The following KCNQ1OT1 variants were observed in gnomAD, a reference collection of about 807,000 sequenced individuals.
The protein encoded by KCNQ1OT1 is KCNQ1 antisense RNA 2 (non-protein coding).
At chr11:2,637,279 A>G (rs1849487132) in exon 1 of KCNQ1OT1, 2 of 152,078 alleles carry the variant, frequency 1.3e-5, no homozygotes, top group African/African-American at 2.4e-5. Flanking sequence ...ATGTTAGGGC[A>G]TCAATTTTAG....
At chr11:2,631,170 T>A (rs1849346469) in exon 1 of KCNQ1OT1, 2 of 398,578 alleles carry the variant, frequency 5.0e-6, no homozygotes, top group South Asian at 1.3e-4. Flanking sequence ...TTCTCTGAAT[T>A]AACTTTCTAC....
At chr11:2,684,162 T>C (rs942804074) in exon 1 of KCNQ1OT1, 2 of 398,460 alleles carry the variant, frequency 5.0e-6, no homozygotes, top group African/African-American at 4.1e-5. Context: ...CCAGAGGACT[T>C]AGGAAGAGAA....
chr11:2,654,585 G>A lies in KCNQ1OT1; in HGVS notation n.45410C>T. 1 of 398,738 alleles carries A rather than the reference G, an allele frequency of 2.5e-6. No individual in the cohort carries two copies. Among genetic ancestry groups the A allele is most frequent in the Non-Finnish European group, 4.4e-6 (1 of 226,204 alleles). The allele number at this position is 398,738 out of a possible 1,614,324, so 24.7% of individuals were successfully genotyped here. ...GATTTTAATCAATCAGGAGGGGAAG[G>A]GCAGGGGGTGAGTGGTTGGGTGAAG... is the stretch of plus-strand genomic sequence containing the variant. On this transcript the variant is annotated non_coding_transcript_exon_variant, in exon 1 of 1. Transcript: ENST00000597346. This position sits in a 1 kb window ranked among gnomAD's most constrained non-coding sequence, Gnocchi z 6.4.
rs1849778313 is a variant in KCNQ1OT1, at chr11:2,652,832, G to A, written n.47163C>T. ...GCAGAGACATTTCCGTTCACTCTGA[G>A]ATTTGTGTATGCTGAGGCTTGCTAT... On this transcript the variant is annotated non_coding_transcript_exon_variant, in exon 1 of 1. Coordinates refer to ENST00000597346, the Ensembl canonical transcript of KCNQ1OT1. The surrounding 1 kb of genome is among the most constrained non-coding windows in gnomAD (Gnocchi z 5.9). 1 of 398,880 alleles carries A rather than the reference G, an allele frequency of 2.5e-6. No individual in the cohort carries two copies. The highest frequency in any genetic ancestry group is 3.6e-5 in the East Asian group (1 of 28,086). 24.7% of individuals were successfully genotyped at this position (398,880 alleles called of 1,614,324 possible). A position where few individuals can be genotyped will look rare whatever the true frequency, so the allele number is the denominator to read the frequency against.
chr11:2,608,527 A>G lies in KCNQ1OT1; in HGVS notation n.91468T>C. 2.5e-6 allele frequency: 1 copy of G among 398,464 alleles called. No homozygotes were observed. Among genetic ancestry groups the G allele is most frequent in the Non-Finnish European group, 4.4e-6 (1 of 226,038 alleles). The allele number at this position is 398,464 out of a possible 1,614,324, so 24.7% of individuals were successfully genotyped here. On this transcript the variant is annotated non_coding_transcript_exon_variant, in exon 1 of 1. Coordinates refer to ENST00000597346, the Ensembl canonical transcript of KCNQ1OT1. The surrounding 1 kb of genome is among the most constrained non-coding windows in gnomAD (Gnocchi z 4.6). Reference sequence around the variant, plus strand: ...GTCTCTCTCTGTTGCCCAGGCTGGAATAGAGTGGTGTAATCATAGCTCACT... The same window carrying G: ...GTCTCTCTCTGTTGCCCAGGCTGGAGTAGAGTGGTGTAATCATAGCTCACT...
At chr11:2,643,105 C>T in exon 1 of KCNQ1OT1, 1 of 397,934 alleles carries the variant, frequency 2.5e-6, no homozygotes, top group Non-Finnish European at 4.4e-6. Flanking sequence ...GAGAGTGTTC[C>T]ATGTACTGAT....
exon 1 of KCNQ1OT1, chr11:2,630,560 A>G (rs1475561957): frequency 2.5e-6 from 1 of 398,232 alleles, no homozygotes. Flanking sequence ...TATGAAAACA[A>G]TAGTAATTTT....
exon 1 of KCNQ1OT1, chr11:2,641,826 T>C (rs1364429765): frequency 3.0e-5 from 12 of 398,332 alleles, no homozygotes; most frequent in Non-Finnish European, 4.9e-5. Flanking sequence ...TAGCAAGAGA[T>C]AGAAACGGTT....
chr11:2,662,430 C>T, exon 1 of KCNQ1OT1: 1 of 505,050 alleles, frequency 2.0e-6, no homozygotes, highest in Non-Finnish European at 3.5e-6. Flanking sequence ...TAGCATTTCC[C>T]CATGGAACCC....
In KCNQ1OT1 at chr11:2,624,680, C is replaced by T. The variant is rs1849234527; in HGVS notation, n.75315G>A. ...CTGTGCAATCATCACTATCATCCAT[C>T]TCCATAACACTTGTCATTTGTAATT... On this transcript the variant is annotated non_coding_transcript_exon_variant, in exon 1 of 1. Coordinates refer to ENST00000597346, the Ensembl canonical transcript of KCNQ1OT1. The surrounding 1 kb of genome is among the most constrained non-coding windows in gnomAD (Gnocchi z 4.9). The T allele has an allele frequency of 5.0e-6, 2 of 398,430 alleles. No homozygotes were observed. Among genetic ancestry groups the T allele is most frequent in the Non-Finnish European group, 8.8e-6 (2 of 226,034 alleles). 24.7% of individuals were successfully genotyped at this position (398,430 alleles called of 1,614,324 possible).
rs1850020758 is a variant in KCNQ1OT1 at position 2,664,166 on chromosome 11, T to G, written n.35829A>C. 1 of 398,412 alleles carries G rather than the reference T, an allele frequency of 2.5e-6. No individual in the cohort carries two copies. The highest frequency in any genetic ancestry group is 2.1e-5 in the African/African-American group (1 of 48,540). 24.7% of individuals were successfully genotyped at this position (398,412 alleles called of 1,614,324 possible). ...CTCTCAGAGCAGGCTGTTCCAAAAG[T>G]GGCTGCTAGATATGAGCCAGCCTGG... is the stretch of plus-strand genomic sequence containing the variant. On this transcript the variant is annotated non_coding_transcript_exon_variant, in exon 1 of 1. Transcript: ENST00000597346. This position sits in a 1 kb window ranked among gnomAD's most constrained non-coding sequence, Gnocchi z 5.1.
In KCNQ1OT1 at chr11:2,682,102, G is replaced by A. The variant is rs1051714966; in HGVS notation, n.17893C>T. The A allele has an allele frequency of 5.0e-6, 2 of 398,394 alleles. No homozygotes were observed. The highest frequency in any genetic ancestry group is 8.8e-6 in the Non-Finnish European group (2 of 226,066). 24.7% of individuals were successfully genotyped at this position (398,394 alleles called of 1,614,324 possible). On this transcript the variant is annotated non_coding_transcript_exon_variant, in exon 1 of 1. Coordinates refer to ENST00000597346, the Ensembl canonical transcript of KCNQ1OT1. This position sits in a 1 kb window ranked among gnomAD's most constrained non-coding sequence, Gnocchi z 5.8. ...CTAGGGCCCAGGGTCACAAAGCTAG[G>A]GAGCCGTGGATCTGCAGGAGATGTC...
exon 1 of KCNQ1OT1, chr11:2,618,077 G>A (rs1056542988): frequency 2.0e-5 from 8 of 398,268 alleles, no homozygotes; most frequent in African/African-American, 1.6e-4. Flanking sequence ...CTGAGCTTTT[G>A]GTGTGATCTC....
chr11:2,670,238 C>A lies in KCNQ1OT1; in HGVS notation n.29757G>T. The A allele has an allele frequency of 2.5e-6, 1 of 398,584 alleles. No individual in the cohort carries two copies. The allele number at this position is 398,584 out of a possible 1,614,324, so 24.7% of individuals were successfully genotyped here. On this transcript the variant is annotated non_coding_transcript_exon_variant, in exon 1 of 1. Coordinates refer to ENST00000597346, the Ensembl canonical transcript of KCNQ1OT1. This position sits in a 1 kb window ranked among gnomAD's most constrained non-coding sequence, Gnocchi z 4.9. ...TGTAGCTCACCTGCCTTTGACCCTGCACATGACGGGCGAGGGAAGAGGACC... is the reference window on the plus strand; with the variant it reads ...TGTAGCTCACCTGCCTTTGACCCTGAACATGACGGGCGAGGGAAGAGGACC...
exon 1 of KCNQ1OT1, chr11:2,680,206 TAA>T (rs139249507): frequency 0.31 from 108,976 of 350,886 alleles, 9,369 homozygotes; most frequent in East Asian, 0.54. Context: ...CTTGCCTAAT[TAA>T]AAAAAAAAAA....
At position 2,678,832 on chromosome 11, in the gene KCNQ1OT1, G is replaced by A. The variant is rs924404864; in HGVS notation, n.21163C>T. The A allele has an allele frequency of 2.5e-5, 10 of 398,496 alleles. No individual in the cohort carries two copies. Among genetic ancestry groups the A allele is most frequent in the African/African-American group, 1.9e-4 (9 of 48,618 alleles). The allele number at this position is 398,496 out of a possible 1,614,324, so 24.7% of individuals were successfully genotyped here. On this transcript the variant is annotated non_coding_transcript_exon_variant, in exon 1 of 1. Coordinates refer to ENST00000597346, the Ensembl canonical transcript of KCNQ1OT1. This position sits in a 1 kb window ranked among gnomAD's most constrained non-coding sequence, Gnocchi z 4.9. ...TTGTTTCTTCCAAGGCTCACTTCAAGGAAGGCAGAATCCAGGTCGGGGGTG... is the reference window on the plus strand; with the variant it reads ...TTGTTTCTTCCAAGGCTCACTTCAAAGAAGGCAGAATCCAGGTCGGGGGTG...
exon 1 of KCNQ1OT1, chr11:2,672,824 C>G (rs767975645): frequency 5.0e-6 from 2 of 398,832 alleles, no homozygotes; most frequent in Non-Finnish European, 8.8e-6. Flanking sequence ...CAAGTGACCC[C>G]AACTCTGGGT....
rs1194808310 is a variant in KCNQ1OT1, at chr11:2,627,306, G to A, written n.72689C>T. On this transcript the variant is annotated non_coding_transcript_exon_variant, in exon 1 of 1. Coordinates refer to ENST00000597346, the Ensembl canonical transcript of KCNQ1OT1. The surrounding 1 kb of genome is among the most constrained non-coding windows in gnomAD (Gnocchi z 4.9). The stretch of plus-strand genomic sequence containing the variant: ...TATACCTTACATAGTTGCCATGTGT[G>A]TGCGTGTGTGTGGTCAGAATACCTA... The A allele has an allele frequency of 2.0e-5, 8 of 398,420 alleles. No homozygotes were observed. The highest frequency in any genetic ancestry group is 2.2e-5 in the Non-Finnish European group (5 of 226,060). The allele number at this position is 398,420 out of a possible 1,614,324, so 24.7% of individuals were successfully genotyped here. A position where few individuals can be genotyped will look rare whatever the true frequency, so the allele number is the denominator to read the frequency against.
rs1476689511 is a variant in KCNQ1OT1 at position 2,673,010 on chromosome 11, G to GTGTT, written n.26981_26984dup. On this transcript the variant is annotated non_coding_transcript_exon_variant, in exon 1 of 1. Coordinates refer to ENST00000597346, the Ensembl canonical transcript of KCNQ1OT1. The surrounding 1 kb of genome is among the most constrained non-coding windows in gnomAD (Gnocchi z 4.5). ...CTAAAGGAGAAGCCAGTGAATCAAT[G>GTGTT]TGTTACTTGAACAAATATAGGGTCT... 35 of 398,724 alleles carry GTGTT rather than the reference G, an allele frequency of 8.8e-5. No homozygotes were observed. In the East Asian group the frequency reaches 1.2e-3, roughly 14 times the overall value. 24.7% of individuals were successfully genotyped at this position (398,724 alleles called of 1,614,324 possible).
Sources: allele counts gnomAD v4.1 joint callset, GRCh38; gene constraint gnomAD v4.1.1; non-coding constraint Gnocchi (gnomAD v3.1); transcripts MANE v1.5; gene names NCBI Gene and HGNC (gene_info 2026-07-23, HGNC 2026-07-21).